LRCH3: variants seen among roughly 807,000 people sequenced by gnomAD.
LRCH3 encodes leucine rich repeats and calponin homology domain containing 3, also known as DISP complex protein LRCH3.
Under a neutral mutation model 104.5 loss-of-function variants are expected in LRCH3, and 68 were observed. The observed-to-expected ratio is 0.65, with a 90% CI of 0.54 to 0.80. The LOEUF (loss-of-function observed/expected upper bound fraction) is 0.80, where lower values mean the gene tolerates loss of function less well. Among genes scored for constraint, LRCH3 ranks in the 30% least tolerant of loss-of-function variants. LRCH3 has a pLI of 0.00. For synonymous variants in LRCH3, 344 were observed against 361.3 expected, an observed-to-expected ratio of 0.95 and a Z score of 0.54; for missense variants, 951 against 953.9, an observed-to-expected ratio of 1.00 and a Z score of 0.04.
chr3:197,795,894 T>C (rs932134192), intron 1 of LRCH3, among the ~76,000 whole-genome samples: 9 of 151,866 alleles, frequency 5.9e-5, no homozygotes, highest in Non-Finnish European at 1.3e-4. Flanking sequence ...GGTTTCACCA[T>C]ATTGGCCAGG....
At position 197,854,562 on chromosome 3, in the gene LRCH3, G is replaced by A. The variant is rs747445045; in HGVS notation, c.1644+117G>A. 1.8e-5 allele frequency: 18 copies of A among 1,004,982 alleles called. No homozygotes were observed. The highest frequency in any genetic ancestry group is 2.8e-5 in the Non-Finnish European group (18 of 646,624). The allele number at this position is 1,004,982 out of a possible 1,614,324, so 62.3% of individuals were successfully genotyped here. On this transcript the variant is annotated intron_variant, in intron 14 of 20. Coordinates refer to ENST00000425562, the MANE Select transcript of LRCH3 (RefSeq NM_001365715.1). The surrounding 1 kb of genome is among the most constrained non-coding windows in gnomAD (Gnocchi z 4.5). ...TGAACATCATTACTAAATGCTTTAT[G>A]AAGAACTAAACCATTTTCCCACATG...
chr3:197,869,791 G>A (rs1246374040), intron 17 of LRCH3, among the ~76,000 whole-genome samples: 1 of 103,978 alleles, frequency 9.6e-6, no homozygotes, highest in Non-Finnish European at 2.0e-5. Flanking sequence ...GGTAGAAAGC[G>A]ATGCACTGTA....
chr3:197,827,569 A>G (rs541247770), intron 5 of LRCH3, among the ~76,000 whole-genome samples: 22 of 152,360 alleles, frequency 1.4e-4, no homozygotes, highest in Admixed American at 4.6e-4. Flanking sequence ...ATTCACATAC[A>G]TATGTATTTT....
chr3:197,880,130 A>G (rs1025964164), intron 20 of LRCH3, among the ~76,000 whole-genome samples: 10 of 149,890 alleles, frequency 6.7e-5, no homozygotes, highest in African/African-American at 2.2e-4. Context: ...TATTTTTAGT[A>G]AAGACGGGGT....
At chr3:197,873,492 T>C (rs1217194719) in intron 19 of LRCH3, among the ~76,000 whole-genome samples, 1 of 152,026 alleles carries the variant, frequency 6.6e-6, no homozygotes, top group African/African-American at 2.4e-5. Flanking sequence ...GGGATCAAGC[T>C]GAAGCTGAGA....
intron 1 of LRCH3, among the ~76,000 whole-genome samples, chr3:197,801,652 G>A (rs1731910433): frequency 1.3e-5 from 2 of 151,676 alleles, no homozygotes; most frequent in African/African-American, 2.4e-5. Context: ...TTTTTTTATT[G>A]TCACAGTAAA....
At position 197,884,757 on chromosome 3, in the gene LRCH3, T is replaced by C. The variant is rs1216037500; in HGVS notation, c.*1091T>C. ...TCTGTCAAAGGCAAAACAAAAATAA[T>C]ATAGAAGGCCTAGGTTTTGCATAGT... On this transcript the variant is annotated 3_prime_UTR_variant, in exon 21 of 21. Transcript: ENST00000425562. The C allele has an allele frequency of 6.6e-6, 1 of 152,126 alleles. No homozygotes were observed. The highest frequency in any genetic ancestry group is 2.1e-4 in the South Asian group (1 of 4,834). The allele number at this position is 152,126 out of a possible 1,614,324, so 9.4% of individuals were successfully genotyped here. A position where few individuals can be genotyped will look rare whatever the true frequency, so the allele number is the denominator to read the frequency against.
chr3:197,817,136 G>A lies in LRCH3; in HGVS notation c.408-40G>A, dbSNP rs559654313. 26 of 1,555,076 alleles carry A rather than the reference G, an allele frequency of 1.7e-5. No homozygotes were observed. In the Admixed American group the frequency reaches 2.7e-4, roughly 16 times the overall value. On this transcript the variant is annotated intron_variant, in intron 2 of 20. Coordinates refer to ENST00000425562, the MANE Select transcript of LRCH3 (RefSeq NM_001365715.1). ...AAAGAGAGAAAATTTTTCTTCAGTG[G>A]TGGACTCTGATTCTTCTCTCTTTCT...
At chr3:197,805,888 T>G (rs1445506815) in intron 1 of LRCH3, among the ~76,000 whole-genome samples, 1 of 151,954 alleles carries the variant, frequency 6.6e-6, no homozygotes, top group Non-Finnish European at 1.5e-5. Flanking sequence ...ACATACAGAG[T>G]TTCCACCCAG....
intron 10 of LRCH3, among the ~76,000 whole-genome samples, chr3:197,845,766 G>C (rs973032753): frequency 1.3e-5 from 2 of 152,104 alleles, no homozygotes; most frequent in African/African-American, 4.8e-5. Flanking sequence ...TTAGCCGAGT[G>C]TGGTGGCGCA....
chr3:197,850,724 G>A (rs1182238729), intron 12 of LRCH3: 16 of 1,388,250 alleles, frequency 1.2e-5, no homozygotes, highest in Non-Finnish European at 1.5e-5. Flanking sequence ...CTTGTGTCCA[G>A]CCCCACTGCT....
Position 197,854,403 on chromosome 3 carries a change from A to T in LRCH3, c.1602A>T (p.Pro534=). 1.2e-6 allele frequency: 2 copies of T among 1,614,088 alleles called. No homozygotes were observed. Among genetic ancestry groups the T allele is most frequent in the Non-Finnish European group, 1.7e-6 (2 of 1,179,958 alleles). Residue 534 remains proline, a synonymous_variant, in exon 14 of 21, where the codon CCA becomes CCT. Coordinates refer to ENST00000425562, the MANE Select transcript of LRCH3 (RefSeq NM_001365715.1). The surrounding 1 kb of genome is among the most constrained non-coding windows in gnomAD (Gnocchi z 4.5). Reference sequence around the variant, plus strand: ...CTCCATCTCTCCAGTGCCCCTTCCCATCCAGAAGGTCTCAGCACACTGATG... The same window carrying T: ...CTCCATCTCTCCAGTGCCCCTTCCCTTCCAGAAGGTCTCAGCACACTGATG... ...LDGVDGECPF[P]SRRSQHTDDS...
At chr3:197,804,791 G>A (rs1428221779) in intron 1 of LRCH3, among the ~76,000 whole-genome samples, 1 of 152,048 alleles carries the variant, frequency 6.6e-6, no homozygotes, top group Non-Finnish European at 1.5e-5. Context: ...AATACTTGCA[G>A]TTAGTAAACA....
chr3:197,886,181 T>TA lies in LRCH3; in HGVS notation c.*2533dup, dbSNP rs61062610. On this transcript the variant is annotated 3_prime_UTR_variant, in exon 21 of 21. Transcript: ENST00000425562. ...TAGCAAGACCCTGTCTCCCAAAAATTAAAAAAAAAAAAAAAAAACCAGGTG... is the reference window on the plus strand; with the variant it reads ...TAGCAAGACCCTGTCTCCCAAAAATTAAAAAAAAAAAAAAAAAAACCAGGTG... The TA allele has an allele frequency of 0.054, 6,842 of 126,162 alleles. 298 individuals carry two copies. Among genetic ancestry groups the TA allele is most frequent in the African/African-American group, 0.12 (4,319 of 35,340 alleles). The allele number at this position is 126,162 out of a possible 1,614,324, so 7.8% of individuals were successfully genotyped here.
intron 4 of LRCH3, among the ~76,000 whole-genome samples, chr3:197,821,740 A>T (rs1031842641): frequency 5.3e-5 from 8 of 152,244 alleles, no homozygotes; most frequent in African/African-American, 1.9e-4. Context: ...AGTGGCACGA[A>T]CATGGCTCAC....
At chr3:197,844,672 C>T (rs1165783754) in intron 10 of LRCH3, among the ~76,000 whole-genome samples, 2 of 151,878 alleles carry the variant, frequency 1.3e-5, no homozygotes, top group Non-Finnish European at 2.9e-5. Flanking sequence ...GGCTGGAGTG[C>T]AGTGGCGCGA....
At chr3:197,823,891 T>A (rs1734787111) in intron 4 of LRCH3, among the ~76,000 whole-genome samples, 1 of 152,174 alleles carries the variant, frequency 6.6e-6, no homozygotes, top group Non-Finnish European at 1.5e-5. Flanking sequence ...TTTAGTTTCC[T>A]TACACTGTCA....
intron 15 of LRCH3, among the ~76,000 whole-genome samples, chr3:197,865,034 C>T (rs989260032): frequency 2.6e-5 from 4 of 151,898 alleles, no homozygotes; most frequent in Admixed American, 6.6e-5. Context: ...AGAGAGTCTC[C>T]CTCTGTCACC....
At chr3:197,800,207 A>T (rs1028021324) in intron 1 of LRCH3, among the ~76,000 whole-genome samples, 1 of 152,188 alleles carries the variant, frequency 6.6e-6, no homozygotes, top group African/African-American at 2.4e-5. Flanking sequence ...TCTCAAAAAA[A>T]AAAACCCCAC....
Sources: allele counts gnomAD v4.1 joint callset (sites outside exome capture counted in the v4.1 genomes callset), GRCh38; gene constraint gnomAD v4.1.1; non-coding constraint Gnocchi (gnomAD v3.1); transcripts MANE v1.5; gene names NCBI Gene and HGNC (gene_info 2026-07-23, HGNC 2026-07-21).